Variants in MMP16 observed in about 807,000 individuals in gnomAD.
The protein encoded by MMP16 is matrix metallopeptidase 16.
In MMP16, 12 loss-of-function variants were observed where a neutral mutation model predicts 67.8. The ratio of observed to expected loss-of-function variants is 0.18; its 90% confidence interval spans 0.11 to 0.29. MMP16 has a LOEUF of 0.29. Among genes scored for constraint, MMP16 ranks in the 10% least tolerant of loss-of-function variants. The pLI is 1.00. For synonymous variants in MMP16, 249 were observed against 255.9 expected (o/e 0.97, Z 0.26); for missense variants, 475 against 765.7 (o/e 0.62, Z 4.48).
intron 3 of MMP16, among the ~76,000 whole-genome samples, chr8:88,175,578 A>T (rs1302443573): frequency 6.6e-6 from 1 of 152,170 alleles, no homozygotes; most frequent in Non-Finnish European, 1.5e-5. Flanking sequence ...TGTCTGGTAA[A>T]TTAAAAGAAG....
chr8:88,280,189 C>A (rs958920466), intron 1 of MMP16, among the ~76,000 whole-genome samples: 3 of 152,130 alleles, frequency 2.0e-5, no homozygotes, highest in African/African-American at 4.8e-5. Context: ...TTTGTATTTT[C>A]TTTTTATGTG....
intron 8 of MMP16, among the ~76,000 whole-genome samples, chr8:88,051,493 GATA>G (rs1808270222): frequency 2.0e-5 from 3 of 152,096 alleles, no homozygotes; most frequent in African/African-American, 7.2e-5. Context: ...ACTTTAATCA[GATA>G]ATTTTTTGGA....
At chr8:88,062,287 C>T (rs1808409112) in intron 7 of MMP16, among the ~76,000 whole-genome samples, 1 of 151,998 alleles carries the variant, frequency 6.6e-6, no homozygotes, top group Admixed American at 6.6e-5. Context: ...TACCATTTGA[C>T]CCAGCCATCC....
At chr8:88,298,106 T>A (rs1468780188) in intron 1 of MMP16, among the ~76,000 whole-genome samples, 1 of 152,204 alleles carries the variant, frequency 6.6e-6, no homozygotes, top group Non-Finnish European at 1.5e-5. Context: ...TACCTGTGCC[T>A]GTTCAAAGTG....
chr8:88,317,309 C>A (rs1005973720), intron 1 of MMP16, among the ~76,000 whole-genome samples: 7 of 152,040 alleles, frequency 4.6e-5, no homozygotes, highest in African/African-American at 1.7e-4. Flanking sequence ...CCACAGCCAC[C>A]CTCATCTCCA....
Position 88,097,446 on chromosome 8 carries a change from C to T in MMP16, c.1083+19061G>A, listed in dbSNP as rs142797586. ...TTCGGGAGCAGCTTAGACAACATGGCAAAACACTGTCTCTACAAAAAATAC... is the reference window on the plus strand; with the variant it reads ...TTCGGGAGCAGCTTAGACAACATGGTAAAACACTGTCTCTACAAAAAATAC... On this transcript the variant is annotated intron_variant, in intron 6 of 9. Transcript: ENST00000286614. Among the ~76,000 whole-genome samples the T allele has an allele frequency of 4.0e-4, 61 of 151,276 alleles. No individual in the cohort carries two copies. In the East Asian group the frequency reaches 7.0e-3, roughly 17 times the overall value.
intron 1 of MMP16, among the ~76,000 whole-genome samples, chr8:88,245,595 C>T (rs543552292): frequency 5.9e-5 from 9 of 152,178 alleles, no homozygotes; most frequent in South Asian, 4.1e-4. Flanking sequence ...CTGTATGAGA[C>T]GGAGAAAGAC....
intron 3 of MMP16, among the ~76,000 whole-genome samples, chr8:88,185,993 C>G (rs1017178511): frequency 6.6e-6 from 1 of 152,116 alleles, no homozygotes; most frequent in African/African-American, 2.4e-5. Flanking sequence ...CCATTAATAA[C>G]AATTGTCACT....
intron 4 of MMP16, among the ~76,000 whole-genome samples, chr8:88,146,912 A>G (rs1159234383): frequency 2.6e-5 from 4 of 152,028 alleles, no homozygotes; most frequent in Non-Finnish European, 5.9e-5. Context: ...TGTTTGAACA[A>G]TTTATACTCC....
intron 1 of MMP16, among the ~76,000 whole-genome samples, chr8:88,235,993 A>C (rs920275786): frequency 6.6e-6 from 1 of 152,262 alleles, no homozygotes; most frequent in African/African-American, 2.4e-5. Context: ...ACACAAGCAT[A>C]GGTGTCTTTA....
intron 1 of MMP16, among the ~76,000 whole-genome samples, chr8:88,301,014 A>T (rs1811089898): frequency 6.6e-6 from 1 of 152,222 alleles, no homozygotes; most frequent in Admixed American, 6.5e-5. Flanking sequence ...GTGAAAGATT[A>T]ATGTAAGAGC....
intron 1 of MMP16, among the ~76,000 whole-genome samples, chr8:88,222,640 A>G (rs1809702261): frequency 6.6e-6 from 1 of 152,218 alleles, no homozygotes; most frequent in Admixed American, 6.5e-5. Context: ...CTGGCTAGCC[A>G]TAAGTAGAAA....
chr8:88,294,247 CAT>C (rs1336696257), intron 1 of MMP16, among the ~76,000 whole-genome samples: 2 of 149,572 alleles, frequency 1.3e-5, no homozygotes, highest in African/African-American at 4.9e-5. Flanking sequence ...TATATATACA[CAT>C]ATATAGACAT....
chr8:88,076,018 A>G (rs1200763843), intron 6 of MMP16, among the ~76,000 whole-genome samples: 1 of 151,808 alleles, frequency 6.6e-6, no homozygotes, highest in South Asian at 2.1e-4. Context: ...TATGATAACA[A>G]TGAACTTTCT....
At chr8:88,189,414 C>T (rs1339122398) in intron 2 of MMP16, among the ~76,000 whole-genome samples, 1 of 152,132 alleles carries the variant, frequency 6.6e-6, no homozygotes, top group South Asian at 2.1e-4. Context: ...CTAATGCCCA[C>T]ACTAGATATC....
At chr8:88,277,426 G>A (rs192745015) in intron 1 of MMP16, among the ~76,000 whole-genome samples, 1 of 152,302 alleles carries the variant, frequency 6.6e-6, no homozygotes, top group African/African-American at 2.4e-5. Context: ...GCTCATCTAA[G>A]CTTCTGGGAG....
chr8:88,128,015 C>T (rs1807962625), intron 4 of MMP16, among the ~76,000 whole-genome samples: 2 of 151,826 alleles, frequency 1.3e-5, no homozygotes, highest in Non-Finnish European at 2.9e-5. Flanking sequence ...GGGCATTGAG[C>T]TTACTGTCAT....
chr8:88,088,529 A>C (rs1808881604), intron 6 of MMP16, among the ~76,000 whole-genome samples: 1 of 152,068 alleles, frequency 6.6e-6, no homozygotes. Context: ...CCAAGAAATT[A>C]CAAAGCAAAA....
chr8:88,037,632 A>T lies in MMP16; in HGVS notation c.*3829T>A, dbSNP rs970693329. On this transcript the variant is annotated 3_prime_UTR_variant, in exon 10 of 10. Transcript: ENST00000286614. ...TGCTCTGACTGCCATGTCAACAGAC[A>T]CTGTTCTGAAATGAGTCAATAAATT... 2.6e-5 allele frequency: 4 copies of T among 152,002 alleles called. No homozygotes were observed. The highest frequency in any genetic ancestry group is 2.6e-4 in the Admixed American group (4 of 15,234). 9.4% of individuals were successfully genotyped at this position (152,002 alleles called of 1,614,324 possible).
Sources: gnomAD v4.1 joint callset for allele counts (sites outside exome capture counted in the v4.1 genomes callset) on GRCh38, gnomAD v4.1.1 for gene constraint, MANE v1.5 for transcripts, NCBI Gene and HGNC (gene_info 2026-07-23, HGNC 2026-07-21) for gene names.